ACADSB: variants seen among roughly 807,000 people sequenced by gnomAD.
The protein encoded by ACADSB is acyl-CoA dehydrogenase short/branched chain.
Under a neutral mutation model 54.1 loss-of-function variants are expected in ACADSB, and 40 were observed. That is an observed-to-expected ratio of 0.74 (90% CI 0.57 to 0.96). The LOEUF (loss-of-function observed/expected upper bound fraction) is 0.96, where lower values mean the gene tolerates loss of function less well. Ranked by LOEUF, ACADSB falls within the 40% of genes least tolerant of loss-of-function variation. ACADSB has a pLI of 0.00. For synonymous variants in ACADSB, 182 were observed against 182.8 expected (o/e 1.00, Z 0.03); for missense variants, 530 against 510.4 (o/e 1.04, Z -0.37).
Position 123,054,050 on chromosome 10 carries a change from T to C in ACADSB, c.*285T>C, listed in dbSNP as rs552366364. On this transcript the variant is annotated 3_prime_UTR_variant, in exon 11 of 11. Transcript: ENST00000358776. ...TACGCATACATATATATATTTTTAC[T>C]CTGTCTTACTCTGTCACCCAGGCTA... 1.4e-3 allele frequency: 612 copies of C among 427,576 alleles called. No individual in the cohort carries two copies. Among genetic ancestry groups the C allele is most frequent in the Non-Finnish European group, 1.9e-3 (449 of 232,046 alleles). The allele number at this position is 427,576 out of a possible 1,614,324, so 26.5% of individuals were successfully genotyped here.
In ACADSB at chr10:123,034,405, A is replaced by G. The variant is rs57321698; in HGVS notation, c.92A>G (p.His31Arg). The G allele has an allele frequency of 2.0e-3, 3,245 of 1,613,798 alleles. 93 individuals carry two copies. In the Admixed American group the frequency reaches 0.047, roughly 23 times the overall value. The change falls in exon 2 of 11, where the codon CAT becomes CGT. Residue 31 changes from histidine to arginine, a missense_variant. Physicochemically the swap from His to Arg is conservative, Grantham distance 29. Coordinates refer to ENST00000358776, the MANE Select transcript of ACADSB (RefSeq NM_001609.4). Reference protein sequence around the residue: ...TCLSSWKIPPHVSKSSQSEAL... With the variant: ...TCLSSWKIPPRVSKSSQSEAL... ...TTGTCTTCTTGGAAGATTCCTCCTC[A>G]TGTCTCAAAATCTTCCCAGTCAGAA...
chr10:123,040,381 A>T, intron 3 of ACADSB, 85 bp from the exon 4 acceptor site: 1 of 1,117,616 alleles, frequency 8.9e-7, no homozygotes, highest in Non-Finnish European at 1.3e-6. Context: ...ATATGGTTAC[A>T]GTTTATTTTT....
intron 8 of ACADSB, among the ~76,000 whole-genome samples, chr10:123,047,917 G>A (rs550331213): frequency 3.9e-5 from 6 of 152,308 alleles, no homozygotes; most frequent in South Asian, 4.1e-4. Context: ...AAGCACTTGG[G>A]TAATACTGAT....
chr10:123,044,868 G>A (rs1032524065), intron 7 of ACADSB, among the ~76,000 whole-genome samples: 4 of 151,850 alleles, frequency 2.6e-5, no homozygotes, highest in Non-Finnish European at 4.4e-5. Flanking sequence ...CTTCCACTGT[G>A]TAGTAAAGAT....
intron 6 of ACADSB, among the ~76,000 whole-genome samples, chr10:123,043,886 G>A (rs913753019): frequency 2.0e-5 from 3 of 151,916 alleles, no homozygotes; most frequent in African/African-American, 7.3e-5. Context: ...GTATGAATAA[G>A]CATTTTAGTC....
chr10:123,011,657 A>G (rs1357760886), intron 1 of ACADSB, among the ~76,000 whole-genome samples: 1 of 151,616 alleles, frequency 6.6e-6, no homozygotes, highest in Non-Finnish European at 1.5e-5. Context: ...CTCCCGAGTA[A>G]CTGGGATTAC....
intron 1 of ACADSB, among the ~76,000 whole-genome samples, chr10:123,025,369 T>C (rs1257736337): frequency 3.3e-5 from 5 of 151,892 alleles, no homozygotes; most frequent in African/African-American, 1.2e-4. Flanking sequence ...AAGGCTGAGG[T>C]GGGAGGATCA....
rs1481509312 is a variant in ACADSB at position 123,044,413 on chromosome 10, G to A, written c.828G>A (p.Leu276=). The change falls in exon 7 of 11, where the codon TTG becomes TTA. Residue 276 remains leucine, a synonymous_variant. Transcript: ENST00000358776. ...TTCAGGTTCCAGAAGCCAATATCTT[G>A]GGACAAATTGGACATGGCTATAAGT... ...ENVKVPEANI[L]GQIGHGYKYA... The A allele has an allele frequency of 6.2e-7, 1 of 1,613,382 alleles. No homozygotes were observed. Among genetic ancestry groups the A allele is most frequent in the Non-Finnish European group, 8.5e-7 (1 of 1,179,488 alleles).
intron 1 of ACADSB, among the ~76,000 whole-genome samples, chr10:123,022,620 A>C (rs189082044): frequency 1.3e-5 from 2 of 152,150 alleles, no homozygotes; most frequent in African/African-American, 4.8e-5. Flanking sequence ...ACAAAATTAT[A>C]CTTTTTCTCA....
chr10:123,049,002 C>T (rs1850595353), intron 8 of ACADSB, among the ~76,000 whole-genome samples: 1 of 152,186 alleles, frequency 6.6e-6, no homozygotes, highest in Non-Finnish European at 1.5e-5. Context: ...AGGCGTGAGC[C>T]ACTGCGCCCA....
chr10:123,049,531 A>T (rs890586048), intron 8 of ACADSB, among the ~76,000 whole-genome samples: 3 of 152,228 alleles, frequency 2.0e-5, no homozygotes, highest in Non-Finnish European at 4.4e-5. Context: ...TGCAAAAATA[A>T]TCAGAATCTC....
chr10:123,022,583 C>T (rs1453029470), intron 1 of ACADSB, among the ~76,000 whole-genome samples: 1 of 152,232 alleles, frequency 6.6e-6, no homozygotes, highest in East Asian at 1.9e-4. Flanking sequence ...GTGATTTGAG[C>T]TAACTTTTAG....
chr10:123,024,551 A>G (rs1037460045), intron 1 of ACADSB, among the ~76,000 whole-genome samples: 6 of 152,314 alleles, frequency 3.9e-5, no homozygotes, highest in Admixed American at 3.9e-4. Flanking sequence ...ATAAACCCCA[A>G]ACTTTGGGCT....
intron 8 of ACADSB, 97 bp from the exon 9 acceptor site, chr10:123,050,952 T>C: frequency 7.6e-7 from 1 of 1,310,244 alleles, no homozygotes; most frequent in Non-Finnish European, 1.1e-6. Context: ...GGGTGTATTT[T>C]GAGTCTGTCA....
chr10:123,050,358 G>T (rs186543235), intron 8 of ACADSB, among the ~76,000 whole-genome samples: 2 of 152,358 alleles, frequency 1.3e-5, no homozygotes, highest in African/African-American at 4.8e-5. Context: ...GGCGGTGCCT[G>T]CCATCTCAGA....
Position 123,052,152 on chromosome 10 carries a change from A to G in ACADSB, c.1129-909A>G, listed in dbSNP as rs2133495093. Among the ~76,000 whole-genome samples the G allele has an allele frequency of 6.6e-6, 1 of 152,224 alleles. No individual in the cohort carries two copies. Among genetic ancestry groups the G allele is most frequent in the Middle Eastern group, 3.4e-3 (1 of 294 alleles). On this transcript the variant is annotated intron_variant, in intron 9 of 10. Transcript: ENST00000358776. The surrounding 1 kb of genome is among the most constrained non-coding windows in gnomAD (Gnocchi z 4.2). Reference sequence around the variant, plus strand: ...ACAAATGGAGCTCTATCTGTACTAGATTCCAATTGCTGCTATAACAAATTA... The same window carrying G: ...ACAAATGGAGCTCTATCTGTACTAGGTTCCAATTGCTGCTATAACAAATTA...
chr10:123,034,497 A>C lies in ACADSB; in HGVS notation c.184A>C (p.Met62Leu). 1 of 1,609,930 alleles carries C rather than the reference A, an allele frequency of 6.2e-7. No individual in the cohort carries two copies. The highest frequency in any genetic ancestry group is 1.1e-5 in the South Asian group (1 of 91,082). Residue 62 changes from methionine to leucine, a missense_variant, in exon 2 of 11, where the codon ATG becomes CTG. Transcript: ENST00000358776. ...APLQTFTDEE[M>L]MIKSSVKKFA... ...CCTGCAAACATTTACAGATGAGGAA[A>C]TGATGATAAAGAGTTCAGGTAAGTA...
In ACADSB at chr10:123,055,020, T is replaced by G. The variant is rs1023467293; in HGVS notation, c.*1255T>G. The G allele has an allele frequency of 6.6e-6, 1 of 152,264 alleles. No individual in the cohort carries two copies. Among genetic ancestry groups the G allele is most frequent in the Non-Finnish European group, 1.5e-5 (1 of 68,110 alleles). 9.4% of individuals were successfully genotyped at this position (152,264 alleles called of 1,614,324 possible). ...AGGGAGAGAAGGGGGCTGTAGAGTT[T>G]GAAAAAGCATATTCAATATTAAAAT... On this transcript the variant is annotated 3_prime_UTR_variant, in exon 11 of 11. Transcript: ENST00000358776.
chr10:123,033,347 G>A (rs1364878820), intron 1 of ACADSB, among the ~76,000 whole-genome samples: 3 of 152,182 alleles, frequency 2.0e-5, no homozygotes, highest in Non-Finnish European at 4.4e-5. Flanking sequence ...ATTGACAGTG[G>A]TTTCAAACGT....
Sources: allele counts gnomAD v4.1 joint callset (sites outside exome capture counted in the v4.1 genomes callset), GRCh38; gene constraint gnomAD v4.1.1; non-coding constraint Gnocchi (gnomAD v3.1); transcripts MANE v1.5; gene names NCBI Gene and HGNC (gene_info 2026-07-23, HGNC 2026-07-21).